Variants in NRXN1 observed in about 807,000 individuals in gnomAD.
NRXN1 encodes neurexin 1, also known as neurexin-1.
In NRXN1, 39 loss-of-function variants were observed where a neutral mutation model predicts 150.9. That is an observed-to-expected ratio of 0.26 (90% CI 0.20 to 0.34). The LOEUF (loss-of-function observed/expected upper bound fraction) is 0.34. Ranked by LOEUF, NRXN1 falls within the 10% of genes least tolerant of loss-of-function variation. The pLI is 1.00. For missense variants in NRXN1, 1,815 were observed against 1,949.9 expected (o/e 0.93, Z 1.30); for synonymous variants, 924 against 757.0 (o/e 1.22, Z -3.62).
At chr2:50,315,439 T>C (rs1438254520) in intron 17 of NRXN1, among the ~76,000 whole-genome samples, 2 of 152,158 alleles carry the variant, frequency 1.3e-5, no homozygotes, top group Admixed American at 6.6e-5. Flanking sequence ...GCATTACACA[T>C]AATCAGCAGC....
chr2:50,889,315 T>C (rs2103804821), intron 5 of NRXN1, among the ~76,000 whole-genome samples: 1 of 151,870 alleles, frequency 6.6e-6, no homozygotes, highest in South Asian at 2.1e-4. Context: ...GAGTTATTTG[T>C]GTACTCTTGC....
intron 15 of NRXN1, among the ~76,000 whole-genome samples, chr2:50,479,624 TTCAA>T (rs1348972779): frequency 9.3e-6 from 1 of 108,094 alleles, no homozygotes; most frequent in Non-Finnish European, 2.1e-5. Flanking sequence ...GTAGTTCACA[TTCAA>T]TAAATAATCA....
chr2:49,974,352 A>C (rs1020185152), intron 21 of NRXN1: 3 of 431,478 alleles, frequency 7.0e-6, no homozygotes, highest in African/African-American at 6.1e-5. Context: ...GTTGCTTTTC[A>C]ATTTGCTCCC....
chr2:50,044,729 G>T (rs1691543092), intron 21 of NRXN1, among the ~76,000 whole-genome samples: 1 of 152,036 alleles, frequency 6.6e-6, no homozygotes, highest in African/African-American at 2.4e-5. Flanking sequence ...TGTGAGAAAT[G>T]GTTCTTCAAA....
intron 2 of NRXN1, among the ~76,000 whole-genome samples, chr2:50,927,676 T>A (rs1687109704): frequency 6.6e-6 from 1 of 152,052 alleles, no homozygotes. Context: ...AATTGTATCT[T>A]CTGTTTAAGA....
chr2:50,447,797 ACTAT>A (rs202098569), intron 17 of NRXN1, among the ~76,000 whole-genome samples: 1,718 of 131,086 alleles, frequency 0.013, 65 homozygotes, highest in African/African-American at 0.05. Flanking sequence ...CCCTAAATGT[ACTAT>A]CTATCCTGCT....
At chr2:50,090,913 G>A (rs908273788) in intron 19 of NRXN1, among the ~76,000 whole-genome samples, 7 of 151,690 alleles carry the variant, frequency 4.6e-5, no homozygotes, top group African/African-American at 9.7e-5. Flanking sequence ...CTGAGGAAGC[G>A]TTAGGTCTTA....
At chr2:50,831,100 A>G (rs1432991009) in intron 5 of NRXN1, among the ~76,000 whole-genome samples, 1 of 152,198 alleles carries the variant, frequency 6.6e-6, no homozygotes, top group Non-Finnish European at 1.5e-5. Context: ...AAACAATCCA[A>G]TTATACTCCT....
At chr2:50,735,225 T>C (rs979519200) in intron 5 of NRXN1, among the ~76,000 whole-genome samples, 1 of 151,576 alleles carries the variant, frequency 6.6e-6, no homozygotes, top group Non-Finnish European at 1.5e-5. Context: ...CCTTTATAAT[T>C]TTTTTTTAAT....
chr2:50,080,754 T>C (rs1329614411), intron 19 of NRXN1, among the ~76,000 whole-genome samples: 1 of 152,036 alleles, frequency 6.6e-6, no homozygotes, highest in Non-Finnish European at 1.5e-5. Flanking sequence ...GGTCCTATTC[T>C]GTGAAAAAAA....
At chr2:50,780,722 T>C (rs1357406511) in intron 5 of NRXN1, among the ~76,000 whole-genome samples, 2 of 152,196 alleles carry the variant, frequency 1.3e-5, no homozygotes, top group East Asian at 1.9e-4. Flanking sequence ...TTTCTTTGAA[T>C]ATTAATTATG....
At chr2:50,283,981 C>T (rs2071793212) in intron 17 of NRXN1, among the ~76,000 whole-genome samples, 1 of 152,090 alleles carries the variant, frequency 6.6e-6, no homozygotes, top group African/African-American at 2.4e-5. Flanking sequence ...TTTTCCTAAC[C>T]AGAGTAAAGT....
chr2:50,582,095 C>T (rs906904452), intron 8 of NRXN1, among the ~76,000 whole-genome samples: 3 of 152,050 alleles, frequency 2.0e-5, no homozygotes, highest in African/African-American at 4.8e-5. Flanking sequence ...TTGTTAATAA[C>T]CGGGAAGATT....
chr2:50,415,797 C>T (rs984600146), intron 17 of NRXN1, among the ~76,000 whole-genome samples: 1 of 151,688 alleles, frequency 6.6e-6, no homozygotes, highest in Admixed American at 6.6e-5. Context: ...GATCTTGTGA[C>T]ATAGTCTCTC....
In NRXN1 at chr2:50,587,682, T is replaced by C. The variant is rs189464011; in HGVS notation, c.1320+32340A>G. 3.2e-3 allele frequency among the ~76,000 whole-genome samples: 480 copies of C among 152,298 alleles called. 5 individuals carry two copies. Among genetic ancestry groups the C allele is most frequent in the African/African-American group, 9.6e-3 (398 of 41,572 alleles). On this transcript the variant is annotated intron_variant, in intron 8 of 22. Coordinates refer to ENST00000401669, the MANE Select transcript of NRXN1 (RefSeq NM_001330078.2). The stretch of plus-strand genomic sequence containing the variant: ...ATTAAAATTGTAAATATATGAATAA[T>C]ATTTAGGATGAGATTAATTTCAAAA...
intron 6 of NRXN1, 52 bp from the exon 7 acceptor site, chr2:50,621,301 G>T: frequency 7.2e-7 from 1 of 1,384,172 alleles, no homozygotes; most frequent in Non-Finnish European, 1.0e-6. Flanking sequence ...ACAGAATAAC[G>T]ATCGTTACTT....
intron 8 of NRXN1, among the ~76,000 whole-genome samples, chr2:50,604,604 T>C (rs1676797632): frequency 6.6e-6 from 1 of 152,168 alleles, no homozygotes; most frequent in South Asian, 2.1e-4. Flanking sequence ...TCGACTCTTA[T>C]CTCTATTTTT....
At chr2:51,006,242 G>C (rs1460070080) in intron 2 of NRXN1, among the ~76,000 whole-genome samples, 1 of 151,782 alleles carries the variant, frequency 6.6e-6, no homozygotes, top group East Asian at 2.0e-4. Flanking sequence ...CATGTCCTTT[G>C]TAGGGACATG....
intron 5 of NRXN1, among the ~76,000 whole-genome samples, chr2:50,907,060 T>TC: frequency 6.6e-6 from 1 of 151,628 alleles, no homozygotes; most frequent in East Asian, 2.0e-4. Flanking sequence ...AAAAGTCTTC[T>TC]CCCCTAAAGT....
Sources: gnomAD v4.1 joint callset for allele counts (sites outside exome capture counted in the v4.1 genomes callset) on GRCh38, gnomAD v4.1.1 for gene constraint, MANE v1.5 for transcripts, NCBI Gene and HGNC (gene_info 2026-07-23, HGNC 2026-07-21) for gene names.